The following MAP3K13 variants were observed in gnomAD, a reference collection of about 807,000 sequenced individuals.
MAP3K13 encodes leucine zipper-bearing kinase.
Under a neutral mutation model 104.0 loss-of-function variants are expected in MAP3K13, and 52 were observed. The ratio of observed to expected loss-of-function variants is 0.50; its 90% confidence interval spans 0.40 to 0.63. The LOEUF is 0.63. Ranked by LOEUF, MAP3K13 falls within the 20% of genes least tolerant of loss-of-function variation. The pLI, the probability that MAP3K13 is intolerant of heterozygous loss-of-function variation, is 0.00. For synonymous variants in MAP3K13, 394 were observed against 442.2 expected, an observed-to-expected ratio of 0.89 and a Z score of 1.37; for missense variants, 914 against 1,218.5, an observed-to-expected ratio of 0.75 and a Z score of 3.72.
intron 2 of MAP3K13, among the ~76,000 whole-genome samples, chr3:185,352,923 G>T (rs1447750331): frequency 6.6e-6 from 1 of 152,294 alleles, no homozygotes; most frequent in East Asian, 1.9e-4. Context: ...ATTCAGGGCA[G>T]GTTGCTGCTA....
chr3:185,420,016 G>T (rs76496689), intron 1 of MAP3K13, among the ~76,000 whole-genome samples: 6 of 152,068 alleles, frequency 3.9e-5, no homozygotes, highest in South Asian at 2.1e-4. Flanking sequence ...TGGAGAATTT[G>T]CTTCTTTGTA....
chr3:185,383,465 G>A (rs1711513354), intron 1 of MAP3K13, among the ~76,000 whole-genome samples: 1 of 151,794 alleles, frequency 6.6e-6, no homozygotes, highest in Non-Finnish European at 1.5e-5. Context: ...GGGAGGCTGA[G>A]GCAGGAGAAT....
At chr3:185,376,189 A>G (rs138863063) in intron 1 of MAP3K13, among the ~76,000 whole-genome samples, 2,047 of 152,184 alleles carry the variant, frequency 0.013, 52 homozygotes, top group African/African-American at 0.047. Context: ...ATCCAGAATA[A>G]TGTGTGAGGC....
chr3:185,312,947 A>G (rs1443475359), intron 2 of MAP3K13, among the ~76,000 whole-genome samples: 1 of 152,138 alleles, frequency 6.6e-6, no homozygotes, highest in African/African-American at 2.4e-5. Flanking sequence ...GAAAATTAGA[A>G]AAATAGCTAA....
rs1268023380 is a variant in MAP3K13, at chr3:185,418,800, C to T, written c.-85-9697C>T. ...CCATGGCGGAGAGAGGAGACAGCCA[C>T]GCTCCTCTCAGCCCGGCTGCTGCCA... On this transcript the variant is annotated intron_variant, in intron 1 of 13. Coordinates refer to ENST00000265026, the MANE Select transcript of MAP3K13 (RefSeq NM_004721.5). This position sits in a 1 kb window ranked among gnomAD's most constrained non-coding sequence, Gnocchi z 4.5. 3 of 1,585,826 alleles carry T rather than the reference C, an allele frequency of 1.9e-6. No individual in the cohort carries two copies. Among genetic ancestry groups the T allele is most frequent in the African/African-American group, 2.7e-5 (2 of 74,486 alleles).
At position 185,368,364 on chromosome 3, in the gene MAP3K13, A is replaced by C. The variant is rs184134562; in HGVS notation, c.-86+4996A>C. Among the ~76,000 whole-genome samples the C allele has an allele frequency of 2.4e-3, 372 of 152,316 alleles. 2 individuals are homozygous for C. The highest frequency in any genetic ancestry group is 8.2e-3 in the African/African-American group (342 of 41,562). ...TGTTTACTATGGATTGTGAACATTA[A>C]GTATTGCCATGAATTGCTCTCGGTC... is the stretch of plus-strand genomic sequence containing the variant. On this transcript the variant is annotated intron_variant, in intron 1 of 13. Transcript: ENST00000265026.
chr3:185,378,201 T>G (rs563177010), intron 1 of MAP3K13, among the ~76,000 whole-genome samples: 1 of 152,262 alleles, frequency 6.6e-6, no homozygotes. Context: ...GTTGTGGGGT[T>G]TCATAATTTT....
At chr3:185,407,067 A>G (rs1713154799) in intron 1 of MAP3K13, among the ~76,000 whole-genome samples, 1 of 152,254 alleles carries the variant, frequency 6.6e-6, no homozygotes, top group Admixed American at 6.5e-5. Context: ...AAAGAACAGT[A>G]GAAACTCTAA....
At position 185,355,191 on chromosome 3, in the gene MAP3K13, G is replaced by C. The variant is rs369331028; in HGVS notation, c.-86+69548G>C. ...TGTAATATAATGAAGATACATTAAG[G>C]CCGGGCACGGTGGTTCATGCCTGTA... On this transcript the variant is annotated intron_variant, in intron 2 of 14. Coordinates refer to the MAP3K13 transcript ENST00000424227. Among the ~76,000 whole-genome samples, 35 of 152,302 alleles carry C rather than the reference G, an allele frequency of 2.3e-4. No homozygotes were observed. The South Asian group carries it at 7.2e-3, about 32-fold the overall frequency.
At chr3:185,382,679 A>G (rs1724784993) in intron 1 of MAP3K13, among the ~76,000 whole-genome samples, 1 of 151,878 alleles carries the variant, frequency 6.6e-6, no homozygotes, top group African/African-American at 2.4e-5. Context: ...TTTTCACTCT[A>G]TTAGTTCCCA....
intron 2 of MAP3K13, among the ~76,000 whole-genome samples, chr3:185,318,644 T>A (rs1290004938): frequency 6.6e-6 from 1 of 152,216 alleles, no homozygotes; most frequent in Non-Finnish European, 1.5e-5. Context: ...GTTGGAGTTG[T>A]GTGAGTCTGT....
chr3:185,385,153 G>A (rs755790762), intron 1 of MAP3K13, among the ~76,000 whole-genome samples: 2 of 151,936 alleles, frequency 1.3e-5, no homozygotes, highest in Non-Finnish European at 2.9e-5. Context: ...CTGAATTCTA[G>A]CAATCTTTTT....
intron 2 of MAP3K13, among the ~76,000 whole-genome samples, chr3:185,333,303 T>C (rs1378833957): frequency 6.6e-6 from 1 of 152,190 alleles, no homozygotes; most frequent in African/African-American, 2.4e-5. Context: ...ATTTTCTTAT[T>C]TGTTAAATTG....
intron 7 of MAP3K13, among the ~76,000 whole-genome samples, chr3:185,454,302 CAT>C (rs199966524): frequency 0.052 from 4,421 of 84,334 alleles, 1,648 homozygotes; most frequent in East Asian, 0.33. Context: ...AGATATATAT[CAT>C]ATATATATGA....
upstream of MAP3K13, among the ~76,000 whole-genome samples, chr3:185,360,879 T>C (rs1228747859): frequency 7.3e-6 from 1 of 137,368 alleles, no homozygotes; most frequent in Non-Finnish European, 1.5e-5. Context: ...CAGGCTGGAG[T>C]GCAGTGGTGT....
Position 185,482,311 on chromosome 3 carries a change from G to C in MAP3K13, c.2800-44G>C. 1 of 1,371,002 alleles carries C rather than the reference G, an allele frequency of 7.3e-7. No individual in the cohort carries two copies. The highest frequency in any genetic ancestry group is 1.0e-6 in the Non-Finnish European group (1 of 958,440). 84.9% of individuals were successfully genotyped at this position (1,371,002 alleles called of 1,614,324 possible). A position where few individuals can be genotyped will look rare whatever the true frequency, so the allele number is the denominator to read the frequency against. Reference sequence around the variant, plus strand: ...GGGAGGTGTTTGACATATATTTACTGAGTGATTATCGAAATGAATTAAGGT... The same window carrying C: ...GGGAGGTGTTTGACATATATTTACTCAGTGATTATCGAAATGAATTAAGGT... On this transcript the variant is annotated intron_variant, in intron 13 of 13. Coordinates refer to ENST00000265026, the MANE Select transcript of MAP3K13 (RefSeq NM_004721.5). This position sits in a 1 kb window ranked among gnomAD's most constrained non-coding sequence, Gnocchi z 4.5.
chr3:185,455,190 A>AGATATATATATGATATATAT (rs1716405014), intron 7 of MAP3K13, among the ~76,000 whole-genome samples: 2 of 100,966 alleles, frequency 2.0e-5, no homozygotes, highest in African/African-American at 3.7e-5. Flanking sequence ...GATATATATG[A>AGATATATATATGATATATAT]GATATATATA....
chr3:185,369,750 A>G (rs1724061729), intron 1 of MAP3K13, among the ~76,000 whole-genome samples: 1 of 152,274 alleles, frequency 6.6e-6, no homozygotes, highest in African/African-American at 2.4e-5. Flanking sequence ...ACAGAGGTTG[A>G]ATTGAACCCT....
At chr3:185,378,362 T>C (rs58889980) in intron 1 of MAP3K13, among the ~76,000 whole-genome samples, 11,806 of 152,116 alleles carry the variant, frequency 0.078, 587 homozygotes, top group Admixed American at 0.14. Flanking sequence ...GGTTTTTATA[T>C]TTGATGAAAA....
Sources: gnomAD v4.1 joint callset for allele counts (sites outside exome capture counted in the v4.1 genomes callset) on GRCh38, gnomAD v4.1.1 for gene constraint, Gnocchi (gnomAD v3.1) non-coding constraint, MANE v1.5 for transcripts, NCBI Gene and HGNC (gene_info 2026-07-23, HGNC 2026-07-21) for gene names.